ATXN1: variants seen among roughly 807,000 people sequenced by gnomAD.
ATXN1 encodes ataxin-1.
A neutral mutation model predicts 56.4 loss-of-function variants in ATXN1; 8 were observed. The ratio of observed to expected loss-of-function variants is 0.14; its 90% CI spans 0.08 to 0.26. The LOEUF is 0.26. Ranked by LOEUF, ATXN1 falls within the 10% of genes least tolerant of loss-of-function variation. The pLI is 1.00. For missense variants in ATXN1, 987 were observed against 1,106.5 expected (o/e 0.89, Z 1.53); for synonymous variants, 514 against 494.6 (o/e 1.04, Z -0.52).
intron 2 of ATXN1, among the ~76,000 whole-genome samples, chr6:16,748,328 A>G (rs1488422990): frequency 1.3e-5 from 2 of 152,138 alleles, no homozygotes; most frequent in African/African-American, 4.8e-5. Context: ...CTGACTTCCT[A>G]GACTGTGTTA....
intron 6 of ATXN1, among the ~76,000 whole-genome samples, chr6:16,403,803 T>C (rs1037069024): frequency 4.6e-5 from 7 of 152,172 alleles, no homozygotes; most frequent in Non-Finnish European, 8.8e-5. Flanking sequence ...ATCTATAGGT[T>C]GTGGGGCTGC....
At chr6:16,528,706 T>A (rs1236014400) in intron 4 of ATXN1, among the ~76,000 whole-genome samples, 1 of 152,200 alleles carries the variant, frequency 6.6e-6, no homozygotes, top group Non-Finnish European at 1.5e-5. Flanking sequence ...ATAGGTTTTA[T>A]TGGCCTCATT....
chr6:16,323,289 C>T (rs529690176), intron 7 of ATXN1, among the ~76,000 whole-genome samples: 3 of 152,150 alleles, frequency 2.0e-5, no homozygotes, highest in African/African-American at 7.2e-5. Context: ...GAGGCTGAGG[C>T]GGGTGAATCA....
At chr6:16,671,095 CA>C (rs1269857031) in intron 2 of ATXN1, among the ~76,000 whole-genome samples, 1 of 152,104 alleles carries the variant, frequency 6.6e-6, no homozygotes, top group Non-Finnish European at 1.5e-5. Flanking sequence ...CATTTCTAAA[CA>C]AGTGAAAACC....
chr6:16,686,046 G>T (rs568828074), intron 2 of ATXN1, among the ~76,000 whole-genome samples: 2 of 151,578 alleles, frequency 1.3e-5, no homozygotes, highest in East Asian at 3.9e-4. Flanking sequence ...TGTTTTTTTT[G>T]AAAAGTCCTC....
At chr6:16,420,558 G>A (rs1277291603) in intron 6 of ATXN1, among the ~76,000 whole-genome samples, 1 of 152,166 alleles carries the variant, frequency 6.6e-6, no homozygotes, top group African/African-American at 2.4e-5. Context: ...AAATGATCAT[G>A]TTACTCTGCC....
At chr6:16,452,281 G>A (rs1759769878) in intron 6 of ATXN1, among the ~76,000 whole-genome samples, 1 of 152,142 alleles carries the variant, frequency 6.6e-6, no homozygotes, top group Admixed American at 6.5e-5. Context: ...TAAATATTTA[G>A]GGAATGAATA....
intron 4 of ATXN1, among the ~76,000 whole-genome samples, chr6:16,526,986 C>T (rs1057432458): frequency 2.0e-5 from 3 of 147,010 alleles, no homozygotes; most frequent in Non-Finnish European, 4.5e-5. Flanking sequence ...TTGAGTGATC[C>T]TAGAAATTAA....
intron 6 of ATXN1, among the ~76,000 whole-genome samples, chr6:16,391,911 T>A (rs1250501394): frequency 6.6e-6 from 1 of 152,238 alleles, no homozygotes; most frequent in Non-Finnish European, 1.5e-5. Flanking sequence ...TGTTTCCTCC[T>A]GGCTTCTGGT....
At position 16,304,515 on chromosome 6, in the gene ATXN1, C is replaced by T. The variant is rs1273266332; in HGVS notation, c.*1814G>A. 3 of 152,356 alleles carry T rather than the reference C, an allele frequency of 2.0e-5. No homozygotes were observed. Among genetic ancestry groups the T allele is most frequent in the African/African-American group, 7.3e-5 (3 of 41,364 alleles). 9.4% of individuals were successfully genotyped at this position (152,356 alleles called of 1,614,324 possible). On this transcript the variant is annotated 3_prime_UTR_variant, in exon 8 of 8. Transcript: ENST00000436367. ...AATTGTTTAAAAAAAATCTTGCTCA[C>T]ATATATAAATGTCTTTATGGAAAAC...
intron 2 of ATXN1, among the ~76,000 whole-genome samples, chr6:16,747,320 T>G (rs1760567078): frequency 6.6e-6 from 1 of 152,136 alleles, no homozygotes; most frequent in African/African-American, 2.4e-5. Context: ...CCCCCAGGCC[T>G]ACAGTGGAGT....
chr6:16,531,485 T>A (rs968484458), intron 4 of ATXN1, among the ~76,000 whole-genome samples: 4 of 152,000 alleles, frequency 2.6e-5, no homozygotes, highest in Non-Finnish European at 4.4e-5. Flanking sequence ...GAGCTGGGCG[T>A]GGTGGCAGAC....
chr6:16,747,910 G>A (rs1760587375), intron 2 of ATXN1, among the ~76,000 whole-genome samples: 1 of 152,156 alleles, frequency 6.6e-6, no homozygotes, highest in Non-Finnish European at 1.5e-5. Context: ...TTTGCTGCAC[G>A]TTTTATTCTT....
chr6:16,737,277 A>T (rs1760168937), intron 2 of ATXN1: 2 of 152,232 alleles, frequency 1.3e-5, no homozygotes, highest in Non-Finnish European at 2.9e-5. Flanking sequence ...TGGCAAAGGA[A>T]GTAAAGTTCC....
chr6:16,547,941 T>A (rs1436285248), intron 4 of ATXN1, among the ~76,000 whole-genome samples: 3 of 152,182 alleles, frequency 2.0e-5, no homozygotes, highest in Non-Finnish European at 4.4e-5. Context: ...TTAACACAGA[T>A]ACCTCCTCAT....
At chr6:16,729,488 T>C (rs184339549) in intron 2 of ATXN1, among the ~76,000 whole-genome samples, 10 of 152,352 alleles carry the variant, frequency 6.6e-5, no homozygotes, top group South Asian at 2.1e-4. Flanking sequence ...CTGAATAACA[T>C]TCAAAGCCTG....
In ATXN1 at chr6:16,656,186, AC is replaced by A. The variant is rs371945588; in HGVS notation, c.-489+1589del. ...AAATGGGCAAATGGGGCCAGGAGGG[AC>A]CCCCCGAGGACCTGGCTCCTTTCCT... is the stretch of plus-strand genomic sequence containing the variant. On this transcript the variant is annotated intron_variant, in intron 3 of 7. Transcript: ENST00000436367. 8.4e-3 allele frequency among the ~76,000 whole-genome samples: 1,281 copies of A among 151,814 alleles called. 19 individuals are homozygous for A. Among genetic ancestry groups the A allele is most frequent in the African/African-American group, 0.029 (1,215 of 41,384 alleles).
chr6:16,651,384 A>T (rs1763889426), intron 3 of ATXN1, among the ~76,000 whole-genome samples: 1 of 152,106 alleles, frequency 6.6e-6, no homozygotes, highest in Non-Finnish European at 1.5e-5. Context: ...CTCTACCAAA[A>T]ATACAAAAAA....
chr6:16,618,497 G>A (rs190064093), intron 3 of ATXN1, among the ~76,000 whole-genome samples: 3 of 152,294 alleles, frequency 2.0e-5, no homozygotes, highest in African/African-American at 4.8e-5. Flanking sequence ...TTGGGAGGCC[G>A]AGGCAGATGG....
Sources: gnomAD v4.1 joint callset for allele counts (sites outside exome capture counted in the v4.1 genomes callset) on GRCh38, gnomAD v4.1.1 for gene constraint, MANE v1.5 for transcripts, NCBI Gene and HGNC (gene_info 2026-07-23, HGNC 2026-07-21) for gene names.